The following GABRG3 variants were observed in gnomAD, a reference collection of about 807,000 sequenced individuals.
GABRG3 encodes the protein gamma-aminobutyric acid receptor subunit gamma-3.
A neutral mutation model predicts 48.8 loss-of-function variants in GABRG3; 25 were observed. The ratio of observed to expected loss-of-function variants is 0.51; its 90% CI spans 0.37 to 0.72. The LOEUF (loss-of-function observed/expected upper bound fraction) is 0.72, where lower values mean the gene tolerates loss of function less well. Among genes scored for constraint, GABRG3 ranks in the 30% least tolerant of loss-of-function variants. The probability of loss-of-function intolerance (pLI) is 0.00; values close to 1 mark genes in which losing one functional copy is unlikely to be tolerated. For missense variants in GABRG3, 394 were observed against 577.9 expected (o/e 0.68, Z 3.26); for synonymous variants, 227 against 217.6 (o/e 1.04, Z -0.38).
intron 3 of GABRG3, among the ~76,000 whole-genome samples, chr15:27,209,437 TGG>T (rs1327373088): frequency 2.0e-5 from 3 of 151,996 alleles, no homozygotes; most frequent in Admixed American, 2.0e-4. Context: ...TTGCCCAGGC[TGG>T]AGTGCAGTGG....
intron 3 of GABRG3, among the ~76,000 whole-genome samples, chr15:27,194,829 A>G (rs964931887): frequency 6.6e-6 from 1 of 152,176 alleles, no homozygotes; most frequent in Non-Finnish European, 1.5e-5. Flanking sequence ...ATTTCTTGCA[A>G]TACTTCCAAT....
rs569888958 is a variant in GABRG3 at position 27,259,923 on chromosome 15, A to C, written c.271-66886A>C. Among the ~76,000 whole-genome samples the C allele has an allele frequency of 2.0e-5, 3 of 152,304 alleles. No individual in the cohort carries two copies. In the South Asian group the frequency reaches 6.2e-4, roughly 32 times the overall value. ...TGAAATTTTGCGACCCCAGGGATCAAATTCAGCTGTGAATGGAAAGAGAAT... is the reference window on the plus strand; with the variant it reads ...TGAAATTTTGCGACCCCAGGGATCACATTCAGCTGTGAATGGAAAGAGAAT... On this transcript the variant is annotated intron_variant, in intron 3 of 9. Transcript: ENST00000615808.
intron 5 of GABRG3, chr15:27,340,928 G>A: frequency 2.1e-6 from 1 of 482,536 alleles, no homozygotes; most frequent in Non-Finnish European, 4.1e-6. Flanking sequence ...TTTGAAAGCT[G>A]TTTTTTAAGA....
At chr15:27,150,827 T>C (rs1898298006) in intron 3 of GABRG3, among the ~76,000 whole-genome samples, 2 of 151,588 alleles carry the variant, frequency 1.3e-5, no homozygotes. Flanking sequence ...TAGCAGGGGG[T>C]TGGGAAAGGA....
chr15:27,458,201 C>A (rs1889343561), intron 5 of GABRG3, among the ~76,000 whole-genome samples: 1 of 152,196 alleles, frequency 6.6e-6, no homozygotes, highest in South Asian at 2.1e-4. Flanking sequence ...AGTGCGGCCA[C>A]CAAAAGGCGG....
Position 26,981,038 on chromosome 15 carries a change from A to G in GABRG3, c.202+3888A>G, listed in dbSNP as rs115695098. Among the ~76,000 whole-genome samples the G allele has an allele frequency of 2.3e-3, 353 of 152,316 alleles. 3 individuals carry two copies. The highest frequency in any genetic ancestry group is 8.2e-3 in the African/African-American group (342 of 41,558). ...AAATTTCCATGACATGAGTTTATCT[A>G]TATAAGAAACCTGCACATGTACCCC... On this transcript the variant is annotated intron_variant, in intron 2 of 9. Transcript: ENST00000615808.
chr15:27,136,251 G>A (rs1450848218), intron 3 of GABRG3, among the ~76,000 whole-genome samples: 2 of 152,134 alleles, frequency 1.3e-5, no homozygotes, highest in African/African-American at 2.4e-5. Context: ...TTCTGCACCA[G>A]GGAATCATTT....
At chr15:27,036,596 A>G (rs147490080) in intron 3 of GABRG3, among the ~76,000 whole-genome samples, 3 of 152,252 alleles carry the variant, frequency 2.0e-5, no homozygotes, top group East Asian at 3.9e-4. Flanking sequence ...AGGCTGAGGC[A>G]GGAGAATCGC....
rs184937779 is a variant in GABRG3, at chr15:27,389,967, A to G, written c.574+61079A>G. On this transcript the variant is annotated intron_variant, in intron 5 of 9. Coordinates refer to ENST00000615808, the MANE Select transcript of GABRG3 (RefSeq NM_033223.5). ...TATTTGAGGACAAAGAATATATTCT[A>G]TCTCACCTCTTAGGCTAAATTTTTG... is the stretch of plus-strand genomic sequence containing the variant. 1.9e-4 allele frequency among the ~76,000 whole-genome samples: 29 copies of G among 152,378 alleles called. No homozygotes were observed. In the East Asian group the frequency reaches 4.4e-3, roughly 23 times the overall value.
intron 3 of GABRG3, among the ~76,000 whole-genome samples, chr15:27,255,869 A>G (rs1350239449): frequency 2.0e-5 from 3 of 151,286 alleles, no homozygotes; most frequent in South Asian, 4.1e-4. Context: ...AAAGCTCCCT[A>G]GAAACGGGAA....
At chr15:27,344,145 G>C (rs955694133) in intron 5 of GABRG3, among the ~76,000 whole-genome samples, 3 of 152,160 alleles carry the variant, frequency 2.0e-5, no homozygotes, top group Non-Finnish European at 4.4e-5. Flanking sequence ...AATGTGATCT[G>C]TTCTGAGGGG....
chr15:27,217,803 C>T (rs1889312494), intron 3 of GABRG3, among the ~76,000 whole-genome samples: 2 of 152,188 alleles, frequency 1.3e-5, no homozygotes, highest in African/African-American at 4.8e-5. Flanking sequence ...CTGGCAAGGT[C>T]ACGTGTGGGC....
In GABRG3 at chr15:27,054,562, G is replaced by C. The variant is rs192127376; in HGVS notation, c.270+27741G>C. On this transcript the variant is annotated intron_variant, in intron 3 of 9. Coordinates refer to ENST00000615808, the MANE Select transcript of GABRG3 (RefSeq NM_033223.5). The stretch of plus-strand genomic sequence containing the variant: ...TCCCAAGGCTGTAAGACTTGACTGA[G>C]TGTTACAAGAAAGGCGGAAATGCAT... Among the ~76,000 whole-genome samples the C allele has an allele frequency of 5.2e-4, 79 of 152,334 alleles. 1 individual carries two copies. Among genetic ancestry groups the C allele is most frequent in the Admixed American group, 4.9e-3 (75 of 15,296 alleles).
chr15:27,183,839 T>G (rs1888009914), intron 3 of GABRG3, among the ~76,000 whole-genome samples: 1 of 152,244 alleles, frequency 6.6e-6, no homozygotes. Context: ...TGCATATGTT[T>G]GCACATAGTA....
At chr15:27,406,558 C>T (rs543979389) in intron 5 of GABRG3, among the ~76,000 whole-genome samples, 2 of 152,166 alleles carry the variant, frequency 1.3e-5, no homozygotes, top group African/African-American at 4.8e-5. Context: ...AAACATCAGG[C>T]AAAACCAGAT....
At chr15:27,017,931 C>A (rs1361728977) in intron 2 of GABRG3, among the ~76,000 whole-genome samples, 1 of 152,156 alleles carries the variant, frequency 6.6e-6, no homozygotes, top group African/African-American at 2.4e-5. Flanking sequence ...TTCATACCAT[C>A]CTCAGTGCCC....
At chr15:27,215,991 C>T (rs1378095) in intron 3 of GABRG3, among the ~76,000 whole-genome samples, 9,170 of 152,272 alleles carry the variant, frequency 0.06, 635 homozygotes, top group African/African-American at 0.17. Flanking sequence ...GCTTCAGTCC[C>T]ATTTATGTCA....
At chr15:27,531,561 C>G (rs1490481841) in intron 9 of GABRG3, among the ~76,000 whole-genome samples, 1 of 152,234 alleles carries the variant, frequency 6.6e-6, no homozygotes, top group East Asian at 1.9e-4. Context: ...CCACCTCCTC[C>G]TTGGTGTCAC....
chr15:27,384,329 T>A (rs185999008), intron 5 of GABRG3, among the ~76,000 whole-genome samples: 323 of 152,254 alleles, frequency 2.1e-3, no homozygotes, highest in Non-Finnish European at 4.1e-3. Flanking sequence ...AACATTAAAA[T>A]CTAGTACAAG....
Sources: allele counts gnomAD v4.1 joint callset (sites outside exome capture counted in the v4.1 genomes callset), GRCh38; gene constraint gnomAD v4.1.1; transcripts MANE v1.5; gene names NCBI Gene and HGNC (gene_info 2026-07-23, HGNC 2026-07-21).